Variants in ZC3H7B observed in about 807,000 individuals in gnomAD.
ZC3H7B encodes zinc finger CCCH-type containing 7B.
A neutral mutation model predicts 116.0 loss-of-function variants in ZC3H7B; 35 were observed. The ratio of observed to expected loss-of-function variants is 0.30; its 90% CI spans 0.23 to 0.40. The LOEUF (loss-of-function observed/expected upper bound fraction) is 0.40. Among genes scored for constraint, ZC3H7B ranks in the 10% least tolerant of loss-of-function variants. ZC3H7B has a pLI of 1.00. For synonymous variants in ZC3H7B, 502 were observed against 545.6 expected (o/e 0.92, Z 1.11); for missense variants, 1,011 against 1,321.5 (o/e 0.77, Z 3.64).
rs185879463 is a variant in ZC3H7B at position 41,318,523 on chromosome 22, C to T, written c.-6-2132C>T. On this transcript the variant is annotated intron_variant, in intron 1 of 22. Coordinates refer to ENST00000352645, the MANE Select transcript of ZC3H7B (RefSeq NM_017590.6). ...CAGCCTGGGCAACAGAGCAAGACTC[C>T]GCCTCAAAAAAAAAAAAAAAAAAAG... Among the ~76,000 whole-genome samples, 854 of 105,146 alleles carry T rather than the reference C, an allele frequency of 8.1e-3. 15 individuals carry two copies. The highest frequency in any genetic ancestry group is 0.03 in the African/African-American group (809 of 27,248). 69.0% of individuals were successfully genotyped at this position (105,146 alleles called of 152,430 possible). A position where few individuals can be genotyped will look rare whatever the true frequency, so the allele number is the denominator to read the frequency against.
Position 41,343,417 on chromosome 22 carries a change from C to T in ZC3H7B, c.1300C>T (p.Pro434Ser), listed in dbSNP as rs535079796. Reference sequence around the variant, plus strand: ...ATGTGTGTCCACCCTGCCCATAGGCCCCCGGGCTGGCGACTACACCTACCG... The same window carrying T: ...ATGTGTGTCCACCCTGCCCATAGGCTCCCGGGCTGGCGACTACACCTACCG... ...ACQLCYPKTGPRAGDYTYREG... is the reference protein window; with the variant it reads ...ACQLCYPKTGSRAGDYTYREG... The change falls in exon 13 of 23, where the codon CCC becomes TCC. Residue 434 changes from proline (P) to serine (S), a missense_variant and splice_region_variant. Physicochemically the swap from Pro to Ser is moderately conservative, Grantham distance 74 (BLOSUM62 -1). Transcript: ENST00000352645. 2.1e-5 allele frequency: 34 copies of T among 1,608,942 alleles called. No homozygotes were observed. The South Asian group carries it at 3.6e-4, about 17-fold the overall frequency.
In ZC3H7B at chr22:41,316,590, C is replaced by A. The variant is rs1159272185; in HGVS notation, c.-6-4065C>A. Among the ~76,000 whole-genome samples, 4 of 142,318 alleles carry A rather than the reference C, an allele frequency of 2.8e-5. No homozygotes were observed. The East Asian group carries it at 7.9e-4, about 28-fold the overall frequency. 93.4% of individuals were successfully genotyped at this position (142,318 alleles called of 152,430 possible). On this transcript the variant is annotated intron_variant, in intron 1 of 22. Transcript: ENST00000352645. The stretch of plus-strand genomic sequence containing the variant: ...GACTTAACAGCTGTAAGCCACCACA[C>A]CTGGCCTTTTTTTTTTTTTTTTTTT...
rs749918396 is a variant in ZC3H7B at position 41,338,327 on chromosome 22, A to G, written c.597A>G (p.Gly199=). 2 of 1,613,762 alleles carry G rather than the reference A, an allele frequency of 1.2e-6. No individual in the cohort carries two copies. The highest frequency in any genetic ancestry group is 1.7e-6 in the Non-Finnish European group (2 of 1,179,928). ...AGVADQGTSN[G]LGSIDDIETD... ...TCTCCCCACAGGGAACTTCTAATGG[A>G]TTGGGGTCCATAGATGACATCGAAA... The change falls in exon 8 of 23, where the codon GGA becomes GGG. Residue 199 remains glycine (G), a synonymous_variant. Coordinates refer to ENST00000352645, the MANE Select transcript of ZC3H7B (RefSeq NM_017590.6). The surrounding 1 kb of genome is among the most constrained non-coding windows in gnomAD (Gnocchi z 4.5).
rs746326838 is a variant in ZC3H7B at position 41,339,017 on chromosome 22, T to C, written c.642T>C (p.Pro214=). 2 of 1,591,716 alleles carry C rather than the reference T, an allele frequency of 1.3e-6. No individual in the cohort carries two copies. The highest frequency in any genetic ancestry group is 1.1e-5 in the South Asian group (1 of 87,700). The change falls in exon 9 of 23, where the codon CCT becomes CCC. Residue 214 remains proline (P), a synonymous_variant. Coordinates refer to ENST00000352645, the MANE Select transcript of ZC3H7B (RefSeq NM_017590.6). ...CATCCGCAGACTGCTACGTGGACCC[T>C]CGAGGCTCCCCAGCCCTTCTCCCCT... ...DDIETDCYVD[P]RGSPALLPST...
chr22:41,307,912 G>T (rs970984947), intron 1 of ZC3H7B, among the ~76,000 whole-genome samples: 1 of 152,138 alleles, frequency 6.6e-6, no homozygotes, highest in Non-Finnish European at 1.5e-5. Context: ...CAGTTTCCTC[G>T]AAGCTCTTTT....
At chr22:41,321,994 T>G (rs1308148678) in intron 2 of ZC3H7B, among the ~76,000 whole-genome samples, 1 of 144,380 alleles carries the variant, frequency 6.9e-6, no homozygotes, top group Non-Finnish European at 1.5e-5. Flanking sequence ...CGCCCGCCAC[T>G]ACGCCCGGCT....
chr22:41,359,522 T>A lies in ZC3H7B; in HGVS notation c.*2093T>A, dbSNP rs1211985220. ...AGGAGCCACCCTCCCCAGGCCCAAC[T>A]CTGCTAGCTTCCCAGACCACCCCCA... On this transcript the variant is annotated 3_prime_UTR_variant, in exon 23 of 23. Transcript: ENST00000352645. The A allele has an allele frequency of 1.3e-5, 2 of 152,186 alleles. No individual in the cohort carries two copies. Among genetic ancestry groups the A allele is most frequent in the African/African-American group, 4.8e-5 (2 of 41,420 alleles). The allele number at this position is 152,186 out of a possible 1,614,324, so 9.4% of individuals were successfully genotyped here. A position where few individuals can be genotyped will look rare whatever the true frequency, so the allele number is the denominator to read the frequency against.
rs763273534 is a variant in ZC3H7B, at chr22:41,349,101, C to G, written c.1767-19C>G. 10 of 1,612,344 alleles carry G rather than the reference C, an allele frequency of 6.2e-6. No homozygotes were observed. Among genetic ancestry groups the G allele is most frequent in the Middle Eastern group, 1.6e-4 (1 of 6,070 alleles). The stretch of plus-strand genomic sequence containing the variant: ...GGCTGCGGACTGCATCGTGCCCCTC[C>G]TGCCTGCCCGCCCGCCAGGTGCCTG... On this transcript the variant is annotated intron_variant, in intron 15 of 22. Coordinates refer to ENST00000352645, the MANE Select transcript of ZC3H7B (RefSeq NM_017590.6). This position sits in a 1 kb window ranked among gnomAD's most constrained non-coding sequence, Gnocchi z 4.9.
In ZC3H7B at chr22:41,343,703, A is replaced by T. The variant is rs1306272397; in HGVS notation, c.1459+127A>T. On this transcript the variant is annotated intron_variant, in intron 13 of 22. Coordinates refer to ENST00000352645, the MANE Select transcript of ZC3H7B (RefSeq NM_017590.6). ...GCCTCACAGCTGCACGGGAGGAGAA[A>T]GCCACGGCCTAGGCTCCTGGGGCCC... The T allele has an allele frequency of 6.8e-6, 9 of 1,323,064 alleles. 1 individual carries two copies. In the East Asian group the frequency reaches 2.1e-4, roughly 31 times the overall value. 82.0% of individuals were successfully genotyped at this position (1,323,064 alleles called of 1,614,324 possible). A position where few individuals can be genotyped will look rare whatever the true frequency, so the allele number is the denominator to read the frequency against.
At chr22:41,321,903 G>A (rs1467176280) in intron 2 of ZC3H7B, among the ~76,000 whole-genome samples, 2 of 141,444 alleles carry the variant, frequency 1.4e-5, no homozygotes, top group African/African-American at 5.5e-5. Flanking sequence ...GCAGTGGCGG[G>A]ATCTCGGCTC....
intron 17 of ZC3H7B, among the ~76,000 whole-genome samples, chr22:41,353,090 AAG>A (rs2036673695): frequency 6.6e-6 from 1 of 151,918 alleles, no homozygotes; most frequent in Non-Finnish European, 1.5e-5. Flanking sequence ...AAAAAAAAAA[AAG>A]AAGAAAAAAA....
Position 41,327,054 on chromosome 22 carries a change from TG to T in ZC3H7B, c.286-150del. The T allele has an allele frequency of 9.1e-7, 1 of 1,093,342 alleles. No individual in the cohort carries two copies. The highest frequency in any genetic ancestry group is 1.3e-6 in the Non-Finnish European group (1 of 780,790). 67.7% of individuals were successfully genotyped at this position (1,093,342 alleles called of 1,614,324 possible). ...GACACCAGAGTGCTTCCTTCTCTCCTGGAGCCTCGAGCCCTGTCCCTGACCC... is the reference window on the plus strand; with the variant it reads ...GACACCAGAGTGCTTCCTTCTCTCCTGAGCCTCGAGCCCTGTCCCTGACCC... On this transcript the variant is annotated intron_variant, in intron 4 of 22. Coordinates refer to ENST00000352645, the MANE Select transcript of ZC3H7B (RefSeq NM_017590.6). The surrounding 1 kb of genome is among the most constrained non-coding windows in gnomAD (Gnocchi z 4.5).
At chr22:41,353,339 C>G (rs1457852239) in intron 17 of ZC3H7B, among the ~76,000 whole-genome samples, 2 of 152,234 alleles carry the variant, frequency 1.3e-5, no homozygotes, top group South Asian at 4.1e-4. Context: ...CCGGGGCTCG[C>G]TCTTCTCCCT....
chr22:41,330,962 G>A (rs1164672262), intron 6 of ZC3H7B, among the ~76,000 whole-genome samples: 2 of 139,514 alleles, frequency 1.4e-5, no homozygotes, highest in African/African-American at 2.6e-5. Context: ...TCCGCCTCCC[G>A]GGTTCACGCC....
intron 1 of ZC3H7B, among the ~76,000 whole-genome samples, chr22:41,305,121 T>C (rs6002323): frequency 0.36 from 54,105 of 151,834 alleles, 10,226 homozygotes; most frequent in Admixed American, 0.52. Flanking sequence ...CCGGGGCGGG[T>C]GGATCACGAG....
Position 41,358,608 on chromosome 22 carries a change from G to C in ZC3H7B, c.*1179G>C, listed in dbSNP as rs1399619549. The C allele has an allele frequency of 6.6e-6, 1 of 152,516 alleles. No homozygotes were observed. The highest frequency in any genetic ancestry group is 1.5e-5 in the Non-Finnish European group (1 of 68,254). 9.4% of individuals were successfully genotyped at this position (152,516 alleles called of 1,614,324 possible). The stretch of plus-strand genomic sequence containing the variant: ...ACGGCCCCTCTTTCTTGGGGACCCA[G>C]TATGTCCTCTCCTCTAGACCCAGAC... On this transcript the variant is annotated 3_prime_UTR_variant, in exon 23 of 23. Transcript: ENST00000352645.
rs759371307 is a variant in ZC3H7B at position 41,330,115 on chromosome 22, C to G, written c.525+12C>G. On this transcript the variant is annotated intron_variant, in intron 6 of 22. Coordinates refer to ENST00000352645, the MANE Select transcript of ZC3H7B (RefSeq NM_017590.6). ...ATAAGAGGCCCCAGGTAGGTGGGTT[C>G]GGGACCCTGGGAGGGTCGGTGTGGA... 6 of 1,613,400 alleles carry G rather than the reference C, an allele frequency of 3.7e-6. No homozygotes were observed. The highest frequency in any genetic ancestry group is 4.2e-6 in the Non-Finnish European group (5 of 1,179,834).
chr22:41,359,587 T>C lies in ZC3H7B; in HGVS notation c.*2158T>C, dbSNP rs989762698. On this transcript the variant is annotated 3_prime_UTR_variant, in exon 23 of 23. Coordinates refer to ENST00000352645, the MANE Select transcript of ZC3H7B (RefSeq NM_017590.6). ...AGTGGGAGTGCTCAGGGAAAGAAGG[T>C]GATTTGTATTTGTCTCCCCGCTGAA... The C allele has an allele frequency of 1.3e-5, 2 of 151,820 alleles. No homozygotes were observed. Among genetic ancestry groups the C allele is most frequent in the Non-Finnish European group, 2.9e-5 (2 of 67,976 alleles). The allele number at this position is 151,820 out of a possible 1,614,324, so 9.4% of individuals were successfully genotyped here. A position where few individuals can be genotyped will look rare whatever the true frequency, so the allele number is the denominator to read the frequency against.
chr22:41,320,902 G>A (rs933827614), intron 2 of ZC3H7B, among the ~76,000 whole-genome samples, 189 bp downstream of exon 2: 4 of 152,166 alleles, frequency 2.6e-5, no homozygotes, highest in Admixed American at 6.6e-5. Flanking sequence ...AACTCCACAT[G>A]CACACATGCT....
Sources: gnomAD v4.1 joint callset for allele counts (sites outside exome capture counted in the v4.1 genomes callset) on GRCh38, gnomAD v4.1.1 for gene constraint, Gnocchi (gnomAD v3.1) non-coding constraint, MANE v1.5 for transcripts, NCBI Gene and HGNC (gene_info 2026-07-23, HGNC 2026-07-21) for gene names.